Variants in MICU1 observed in about 807,000 individuals in gnomAD.
MICU1 encodes the protein mitochondrial calcium uptake 1, also known as calcium uptake protein 1, mitochondrial.
MICU1 carries 45 observed loss-of-function variants against 56.8 expected under a neutral mutation model. The ratio of observed to expected loss-of-function variants is 0.79; its 90% CI spans 0.62 to 1.02. MICU1 has a LOEUF of 1.02. Among genes scored for constraint, MICU1 ranks in the 50% least tolerant of loss-of-function variants. The pLI, the probability that MICU1 is intolerant of heterozygous loss-of-function variation, is 0.00. For synonymous variants in MICU1, 186 were observed against 195.1 expected (o/e 0.95, Z 0.39); for missense variants, 504 against 587.1 (o/e 0.86, Z 1.46).
chr10:72,426,469 C>T (rs1227819710), intron 8 of MICU1, among the ~76,000 whole-genome samples: 1 of 151,166 alleles, frequency 6.6e-6, no homozygotes, highest in Non-Finnish European at 1.5e-5. Flanking sequence ...ACAATCATGG[C>T]TCACTGCAGC....
chr10:72,553,916 T>C (rs1564931999), intron 3 of MICU1, among the ~76,000 whole-genome samples: 1 of 152,116 alleles, frequency 6.6e-6, no homozygotes, highest in Non-Finnish European at 1.5e-5. Flanking sequence ...GTTCAGAATA[T>C]AGCATCCAAG....
chr10:72,374,808 CTTTTTTTT>C (rs34228174), intron 11 of MICU1, among the ~76,000 whole-genome samples: 16 of 77,208 alleles, frequency 2.1e-4, no homozygotes, highest in African/African-American at 5.7e-4. Context: ...CTACTATTAT[CTTTTTTTT>C]TTTTTTTTTT....
At chr10:72,613,974 G>A (rs567872030) in intron 1 of MICU1, among the ~76,000 whole-genome samples, 5 of 152,126 alleles carry the variant, frequency 3.3e-5, no homozygotes, top group Admixed American at 6.5e-5. Flanking sequence ...GCGAAACCCC[G>A]TCTCAATTAA....
chr10:72,586,040 G>T (rs7902600), intron 1 of MICU1, among the ~76,000 whole-genome samples: 5,004 of 94,234 alleles, frequency 0.053, 437 homozygotes, highest in African/African-American at 0.18. Context: ...TTTGAGACAG[G>T]GTATCGCTCT....
chr10:72,549,405 G>A (rs1312489516), intron 4 of MICU1, among the ~76,000 whole-genome samples: 2 of 151,838 alleles, frequency 1.3e-5, no homozygotes, highest in Non-Finnish European at 2.9e-5. Flanking sequence ...TGCCCAGGCT[G>A]GTCCTCAACT....
intron 5 of MICU1, among the ~76,000 whole-genome samples, chr10:72,516,897 A>G (rs1867664394): frequency 6.6e-6 from 1 of 152,144 alleles, no homozygotes; most frequent in Non-Finnish European, 1.5e-5. Context: ...GAGGGAGAGA[A>G]GTTACTTGTA....
At position 72,409,752 on chromosome 10, in the gene MICU1, T is replaced by C. The variant is rs1168240718; in HGVS notation, c.1072-1715A>G. The stretch of plus-strand genomic sequence containing the variant: ...ATCACATGATCTTTTATAATTTTTT[T>C]CCTTAGAATCATAGAACTTAAAAAA... On this transcript the variant is annotated intron_variant, in intron 9 of 11. Coordinates refer to ENST00000361114, the MANE Select transcript of MICU1 (RefSeq NM_001195518.2). 2.6e-5 allele frequency among the ~76,000 whole-genome samples: 4 copies of C among 152,206 alleles called. No homozygotes were observed. In the East Asian group the frequency reaches 7.7e-4, roughly 29 times the overall value.
At chr10:72,527,639 G>A (rs182865697) in intron 5 of MICU1, among the ~76,000 whole-genome samples, 2 of 152,056 alleles carry the variant, frequency 1.3e-5, no homozygotes, top group East Asian at 1.9e-4. Flanking sequence ...ATGAGCCACC[G>A]TGCCCAGCCC....
At chr10:72,598,612 A>C (rs1841440785) in intron 1 of MICU1, among the ~76,000 whole-genome samples, 1 of 152,112 alleles carries the variant, frequency 6.6e-6, no homozygotes, top group African/African-American at 2.4e-5. Flanking sequence ...TCAATCAAAT[A>C]TACCCATAAA....
intron 1 of MICU1, among the ~76,000 whole-genome samples, chr10:72,591,206 CAT>C (rs776538012): frequency 5.9e-5 from 9 of 152,050 alleles, no homozygotes; most frequent in African/African-American, 9.6e-5. Flanking sequence ...AAAAACAAAA[CAT>C]GTGGGATGCA....
intron 10 of MICU1, among the ~76,000 whole-genome samples, chr10:72,406,608 T>TAA (rs371156230): frequency 4.2e-5 from 6 of 142,406 alleles, no homozygotes; most frequent in Admixed American, 7.1e-5. Context: ...TACTCCTTAT[T>TAA]AAAAAAAAAA....
rs76407656 is a variant in MICU1, at chr10:72,511,544, G to C, written c.538-3275C>G. On this transcript the variant is annotated intron_variant, in intron 5 of 11. Transcript: ENST00000361114. ...CTATCACTATAGTTAGTAATCGTAT[G>C]TGCCCCAGTTATAAAGGCAGTCATC... Among the ~76,000 whole-genome samples the C allele has an allele frequency of 2.0e-5, 3 of 152,292 alleles. No homozygotes were observed. The East Asian group carries it at 5.8e-4, about 29-fold the overall frequency.
At chr10:72,570,295 G>A (rs1029113651) in intron 1 of MICU1, among the ~76,000 whole-genome samples, 1 of 151,768 alleles carries the variant, frequency 6.6e-6, no homozygotes, top group Non-Finnish European at 1.5e-5. Flanking sequence ...TCTTCCTATG[G>A]CATACGTAAT....
intron 9 of MICU1, among the ~76,000 whole-genome samples, chr10:72,410,744 A>G: frequency 6.6e-6 from 1 of 152,192 alleles, no homozygotes. Flanking sequence ...CCCTAATTTG[A>G]GGTCAGTCTC....
At chr10:72,505,666 T>C (rs1468923370) in intron 6 of MICU1, among the ~76,000 whole-genome samples, 1 of 152,164 alleles carries the variant, frequency 6.6e-6, no homozygotes, top group African/African-American at 2.4e-5. Flanking sequence ...TGCAGCAACA[T>C]GGATGTAGCC....
intron 8 of MICU1, among the ~76,000 whole-genome samples, chr10:72,435,791 C>T (rs1283695053): frequency 1.3e-5 from 2 of 152,258 alleles, no homozygotes; most frequent in Non-Finnish European, 2.9e-5. Flanking sequence ...TCACTGCTAG[C>T]GCAGCAGTCT....
chr10:72,563,000 C>T lies in MICU1; in HGVS notation c.225G>A (p.Lys75=), dbSNP rs867861915. The T allele has an allele frequency of 6.2e-7, 1 of 1,608,812 alleles. No individual in the cohort carries two copies. The highest frequency in any genetic ancestry group is 1.1e-5 in the South Asian group (1 of 89,700). Residue 75 remains lysine, a synonymous_variant, in exon 3 of 12, where the codon AAG becomes AAA. Transcript: ENST00000361114. The stretch of plus-strand genomic sequence containing the variant: ...TACAAACATCCCCTTCATCTTTATT[C>T]TTCCCTTTATCACCGATGTCACTTT... The part of the protein sequence containing the change: ...NLKSDIGDKG[K]NKDEGDVCNH...
intron 9 of MICU1, among the ~76,000 whole-genome samples, chr10:72,411,390 C>T (rs1863809022): frequency 2.0e-5 from 3 of 151,570 alleles, no homozygotes; most frequent in East Asian, 1.9e-4. Context: ...TGCAGTGGCG[C>T]GATCTCGGCT....
At chr10:72,579,356 T>C (rs1202047315) in intron 1 of MICU1, among the ~76,000 whole-genome samples, 1 of 152,120 alleles carries the variant, frequency 6.6e-6, no homozygotes, top group Non-Finnish European at 1.5e-5. Flanking sequence ...CCTCACTTGG[T>C]GGGAGAGGTA....
Sources: gnomAD v4.1 joint callset for allele counts (sites outside exome capture counted in the v4.1 genomes callset) on GRCh38, gnomAD v4.1.1 for gene constraint, MANE v1.5 for transcripts, NCBI Gene and HGNC (gene_info 2026-07-23, HGNC 2026-07-21) for gene names.